The following TTC27 variants were observed in gnomAD, a reference collection of about 807,000 sequenced individuals.
TTC27 encodes the protein tetratricopeptide repeat domain 27.
Under a neutral mutation model 115.9 loss-of-function variants are expected in TTC27, and 79 were observed. That is an observed-to-expected ratio of 0.68 (90% CI 0.57 to 0.82). The LOEUF (loss-of-function observed/expected upper bound fraction) is 0.82, where lower values mean the gene tolerates loss of function less well. Ranked by LOEUF, TTC27 falls within the 40% of genes least tolerant of loss-of-function variation. The pLI, the probability that TTC27 is intolerant of heterozygous loss-of-function variation, is 0.00. For synonymous variants in TTC27, 401 were observed against 356.0 expected, an observed-to-expected ratio of 1.13 and a Z score of -1.42; for missense variants, 1,054 against 993.1, an observed-to-expected ratio of 1.06 and a Z score of -0.82.
chr2:32,720,889 C>T (rs760542543), intron 10 of TTC27, among the ~76,000 whole-genome samples: 8 of 152,280 alleles, frequency 5.3e-5, no homozygotes, highest in East Asian at 3.9e-4. Flanking sequence ...ATTGTATTTT[C>T]GCATATCTTC....
chr2:32,668,355 A>C (rs942811700), intron 7 of TTC27, among the ~76,000 whole-genome samples: 10 of 151,548 alleles, frequency 6.6e-5, no homozygotes, highest in Non-Finnish European at 1.0e-4. Context: ...CAGCCTGGGC[A>C]ACAAGAGCAA....
At chr2:32,808,177 C>T (rs965971620) in intron 16 of TTC27, among the ~76,000 whole-genome samples, 7 of 152,002 alleles carry the variant, frequency 4.6e-5, no homozygotes, top group Non-Finnish European at 8.8e-5. Flanking sequence ...TCATGTGATC[C>T]GCCTACCTCT....
At chr2:32,665,010 T>G (rs959197335) in intron 6 of TTC27, among the ~76,000 whole-genome samples, 1 of 150,368 alleles carries the variant, frequency 6.7e-6, no homozygotes, top group Non-Finnish European at 1.5e-5. Context: ...TTTTTTTTAT[T>G]TTTTTTTTGT....
rs1490360230 is a variant in TTC27, at chr2:32,788,395, AGGAGT to A, written c.1998+1248_1998+1252del. ...AATTAGTTTACACACCAAGTCAGAA[AGGAGT>A]GTGAAGCTCCCCTCCTTCCTGATAA... On this transcript the variant is annotated intron_variant, in intron 16 of 19. Transcript: ENST00000317907. Among the ~76,000 whole-genome samples, 6 of 106,738 alleles carry A rather than the reference AGGAGT, an allele frequency of 5.6e-5. No individual in the cohort carries two copies. The Admixed American group carries it at 5.8e-4, about 10-fold the overall frequency. 70.0% of individuals were successfully genotyped at this position (106,738 alleles called of 152,430 possible).
intron 1 of TTC27, among the ~76,000 whole-genome samples, chr2:32,628,669 G>T (rs564006639): frequency 1.3e-5 from 2 of 152,274 alleles, no homozygotes; most frequent in South Asian, 4.1e-4. Context: ...ACTTAAGGTA[G>T]ATTCAATTTT....
intron 9 of TTC27, among the ~76,000 whole-genome samples, chr2:32,680,355 A>G (rs1229772698): frequency 1.3e-5 from 2 of 152,198 alleles, no homozygotes; most frequent in East Asian, 1.9e-4. Context: ...GTATTGTACT[A>G]GTCATTGGGG....
intron 6 of TTC27, among the ~76,000 whole-genome samples, chr2:32,666,018 A>G (rs1313171279): frequency 6.6e-6 from 1 of 152,264 alleles, no homozygotes; most frequent in Non-Finnish European, 1.5e-5. Context: ...GATAAAATCC[A>G]GACTTTCTAG....
At chr2:32,663,316 G>C (rs1665623906) in intron 5 of TTC27, among the ~76,000 whole-genome samples, 1 of 152,182 alleles carries the variant, frequency 6.6e-6, no homozygotes, top group Admixed American at 6.5e-5. Flanking sequence ...GGCACCCGAG[G>C]GAATCTCCTG....
chr2:32,790,383 G>T (rs1033859452), intron 16 of TTC27, among the ~76,000 whole-genome samples: 17 of 151,730 alleles, frequency 1.1e-4, no homozygotes, highest in Non-Finnish European at 1.9e-4. Context: ...AGAATGAGTA[G>T]ATATACTACC....
intron 9 of TTC27, among the ~76,000 whole-genome samples, chr2:32,691,414 T>C (rs1261862168): frequency 6.6e-6 from 1 of 151,632 alleles, no homozygotes; most frequent in Non-Finnish European, 1.5e-5. Flanking sequence ...TTCTCCTGCC[T>C]CAGTCTTCCA....
intron 8 of TTC27, among the ~76,000 whole-genome samples, chr2:32,673,179 G>C (rs1310048136): frequency 6.8e-6 from 1 of 146,010 alleles, no homozygotes. Flanking sequence ...CCTTCAATTT[G>C]AGTTTGTCTG....
At chr2:32,667,803 C>G (rs1235634526) in intron 7 of TTC27, among the ~76,000 whole-genome samples, 26 of 150,752 alleles carry the variant, frequency 1.7e-4, no homozygotes, top group Non-Finnish European at 1.2e-4. Context: ...CCTGTAATCC[C>G]AGCACTTTGG....
intron 10 of TTC27, among the ~76,000 whole-genome samples, chr2:32,730,563 A>T (rs1668259096): frequency 6.6e-6 from 1 of 151,546 alleles, no homozygotes; most frequent in Non-Finnish European, 1.5e-5. Context: ...AAAAAAGAGT[A>T]CTTTGGATCC....
intron 16 of TTC27, among the ~76,000 whole-genome samples, chr2:32,790,705 C>A (rs564257175): frequency 6.6e-6 from 1 of 152,122 alleles, no homozygotes; most frequent in South Asian, 2.1e-4. Flanking sequence ...AACAATTCCC[C>A]ATTTCCTCCC....
Position 32,811,181 on chromosome 2 carries a change from A to T in TTC27, c.2156A>T (p.Tyr719Phe), listed in dbSNP as rs1442077636. The T allele has an allele frequency of 6.2e-7, 1 of 1,614,038 alleles. No individual in the cohort carries two copies. Among genetic ancestry groups the T allele is most frequent in the Admixed American group, 1.7e-5 (1 of 60,004 alleles). ...GEIWRLYAHV[Y>F]GNGQSEKPDE... ...ATCTGGAGGCTGTATGCCCACGTATATGGAAATGGGCAGAGTGAAAAGCCT... is the reference window on the plus strand; with the variant it reads ...ATCTGGAGGCTGTATGCCCACGTATTTGGAAATGGGCAGAGTGAAAAGCCT... Residue 719 changes from tyrosine (Y) to phenylalanine (F), a missense_variant, in exon 17 of 20, where the codon TAT (tyrosine) becomes TTT (phenylalanine). Tyr to Phe is a conservative substitution (Grantham distance 22, BLOSUM62 3). Transcript: ENST00000317907.
At chr2:32,681,225 A>G (rs1441087667) in intron 9 of TTC27, among the ~76,000 whole-genome samples, 1 of 152,198 alleles carries the variant, frequency 6.6e-6, no homozygotes, top group East Asian at 1.9e-4. Flanking sequence ...AAGTAGGGCA[A>G]GAAACTTCTA....
chr2:32,681,978 ATATGTGTGTG>A (rs36225712), intron 9 of TTC27, among the ~76,000 whole-genome samples: 16,510 of 137,770 alleles, frequency 0.12, 1,092 homozygotes, highest in South Asian at 0.27. Context: ...ATATGTATAT[ATATGTGTGTG>A]TGTGTGTGTG....
chr2:32,680,291 G>C (rs566574055), intron 9 of TTC27, among the ~76,000 whole-genome samples: 1 of 152,116 alleles, frequency 6.6e-6, no homozygotes, highest in Non-Finnish European at 1.5e-5. Flanking sequence ...AACATATTAT[G>C]TACTTTTCAT....
chr2:32,672,397 C>T lies in TTC27; in HGVS notation c.1052+13C>T, dbSNP rs552377853. On this transcript the variant is annotated intron_variant, in intron 8 of 19. Coordinates refer to ENST00000317907, the MANE Select transcript of TTC27 (RefSeq NM_017735.5). ...TTCTTGGAATCTGGTGAGTTAATGA[C>T]TGACTTGGCTGCTTTGAACACTTTG... The T allele has an allele frequency of 2.5e-6, 4 of 1,581,114 alleles. No individual in the cohort carries two copies. The African/African-American group carries it at 4.0e-5, about 16-fold the overall frequency.
Sources: allele counts gnomAD v4.1 joint callset (sites outside exome capture counted in the v4.1 genomes callset), GRCh38; gene constraint gnomAD v4.1.1; transcripts MANE v1.5; gene names NCBI Gene and HGNC (gene_info 2026-07-23, HGNC 2026-07-21).